RASAL2: variants seen among roughly 807,000 people sequenced by gnomAD.
RASAL2 encodes the protein RAS protein activator like 2, also known as ras GTPase-activating protein nGAP.
A neutral mutation model predicts 128.9 loss-of-function variants in RASAL2; 58 were observed. The ratio of observed to expected loss-of-function variants is 0.45; its 90% CI spans 0.36 to 0.56. RASAL2 has a LOEUF of 0.56. Among genes scored for constraint, RASAL2 ranks in the 20% least tolerant of loss-of-function variants. The probability of loss-of-function intolerance (pLI) is 0.00; values close to 1 mark genes in which losing one functional copy is unlikely to be tolerated. For missense variants in RASAL2, 1,360 were observed against 1,601.6 expected (o/e 0.85, Z 2.57); for synonymous variants, 561 against 580.8 (o/e 0.97, Z 0.49).
intron 1 of RASAL2, among the ~76,000 whole-genome samples, chr1:178,107,370 G>A (rs1659130429): frequency 3.3e-5 from 5 of 152,078 alleles, no homozygotes; most frequent in Admixed American, 3.3e-4. Flanking sequence ...GACCCATGTG[G>A]ATAGTAACAG....
intron 1 of RASAL2, among the ~76,000 whole-genome samples, chr1:178,178,936 A>G (rs866543947): frequency 1.3e-4 from 20 of 152,218 alleles, no homozygotes; most frequent in Non-Finnish European, 1.9e-4. Context: ...CTACTTTCAT[A>G]TAGCCAGATT....
chr1:178,448,809 A>G (rs1176892496), intron 9 of RASAL2, among the ~76,000 whole-genome samples: 1 of 152,208 alleles, frequency 6.6e-6, no homozygotes, highest in Non-Finnish European at 1.5e-5. Flanking sequence ...TCCAAAATGA[A>G]AAGTGGATAC....
intron 4 of RASAL2, among the ~76,000 whole-genome samples, chr1:178,402,288 G>A (rs1415897883): frequency 1.3e-5 from 2 of 151,974 alleles, no homozygotes; most frequent in African/African-American, 4.8e-5. Context: ...GTGGTGGCAG[G>A]CACCTGTAGT....
chr1:178,207,282 A>G (rs1190021108), intron 1 of RASAL2, among the ~76,000 whole-genome samples: 1 of 152,230 alleles, frequency 6.6e-6, no homozygotes, highest in Non-Finnish European at 1.5e-5. Flanking sequence ...GAAAAAATAA[A>G]TACAGTTTGT....
chr1:178,412,067 A>T, intron 4 of RASAL2: 1 of 361,778 alleles, frequency 2.8e-6, no homozygotes, highest in Non-Finnish European at 5.2e-6. Flanking sequence ...ATGTGAAAAA[A>T]AAAAAAAGAG....
At chr1:178,259,291 C>T (rs940539409) in intron 1 of RASAL2, among the ~76,000 whole-genome samples, 4 of 151,458 alleles carry the variant, frequency 2.6e-5, no homozygotes, top group Non-Finnish European at 5.9e-5. Flanking sequence ...CCACCACGCC[C>T]GGCTAATTTT....
At chr1:178,133,165 C>T (rs1660184911) in intron 1 of RASAL2, among the ~76,000 whole-genome samples, 1 of 152,194 alleles carries the variant, frequency 6.6e-6, no homozygotes. Context: ...GAGCTCAATG[C>T]TTTGTCCTCT....
intron 4 of RASAL2, among the ~76,000 whole-genome samples, chr1:178,418,898 A>C (rs184016849): frequency 6.6e-6 from 1 of 152,318 alleles, no homozygotes; most frequent in African/African-American, 2.4e-5. Flanking sequence ...AAACTGTAGA[A>C]GCCCAGATAG....
intron 4 of RASAL2, among the ~76,000 whole-genome samples, chr1:178,396,251 G>T (rs901578217): frequency 7.9e-5 from 12 of 152,122 alleles, no homozygotes; most frequent in African/African-American, 2.9e-4. Context: ...CCCTAACCAG[G>T]AGAAGAGGGC....
chr1:178,387,293 C>G (rs1171169581), intron 3 of RASAL2, among the ~76,000 whole-genome samples: 1 of 152,068 alleles, frequency 6.6e-6, no homozygotes, highest in Non-Finnish European at 1.5e-5. Context: ...TTAATATCTT[C>G]TTTCTGGACC....
intron 1 of RASAL2, among the ~76,000 whole-genome samples, chr1:178,270,706 A>G (rs977121458): frequency 6.6e-6 from 1 of 150,424 alleles, no homozygotes; most frequent in African/African-American, 2.5e-5. Context: ...TCTGCTTCAG[A>G]TTAAGAATGG....
intron 4 of RASAL2, among the ~76,000 whole-genome samples, chr1:178,406,877 C>T (rs1361650516): frequency 6.6e-6 from 1 of 151,672 alleles, no homozygotes; most frequent in African/African-American, 2.4e-5. Flanking sequence ...AATGTGTCAA[C>T]ATCAATTAGA....
At chr1:178,274,271 C>T (rs550410601) in intron 1 of RASAL2, among the ~76,000 whole-genome samples, 1 of 152,276 alleles carries the variant, frequency 6.6e-6, no homozygotes, top group East Asian at 1.9e-4. Flanking sequence ...TCTGAGTTCA[C>T]TCTTTTTCAC....
At chr1:178,378,381 A>C (rs535453604) in intron 3 of RASAL2, among the ~76,000 whole-genome samples, 1 of 152,274 alleles carries the variant, frequency 6.6e-6, no homozygotes, top group Admixed American at 6.5e-5. Context: ...ATGGACAGAA[A>C]TGGATAATTC....
chr1:178,133,041 A>T (rs1660180754), intron 1 of RASAL2, among the ~76,000 whole-genome samples: 1 of 152,226 alleles, frequency 6.6e-6, no homozygotes, highest in African/African-American at 2.4e-5. Context: ...CTGGGATTAC[A>T]GGCGTGAGCC....
intron 3 of RASAL2, among the ~76,000 whole-genome samples, chr1:178,388,108 A>G (rs1453324566): frequency 1.3e-5 from 2 of 152,168 alleles, no homozygotes; most frequent in African/African-American, 4.8e-5. Context: ...TGTAATATTA[A>G]ATCTCCAGTG....
rs544077484 is a variant in RASAL2, at chr1:178,102,324, A to T, written c.202+7630A>T. Among the ~76,000 whole-genome samples the T allele has an allele frequency of 1.3e-4, 20 of 152,018 alleles. No homozygotes were observed. The South Asian group carries it at 1.5e-3, about 11-fold the overall frequency. ...TTAGAGATAACTATCATTTTTTTTT[A>T]AATATTATATTTTAGAGACGGGGTC... On this transcript the variant is annotated intron_variant, in intron 1 of 17. Coordinates refer to ENST00000367649, the MANE Select transcript of RASAL2 (RefSeq NM_170692.4).
intron 1 of RASAL2, among the ~76,000 whole-genome samples, chr1:178,250,180 G>A (rs182713744): frequency 2.5e-4 from 38 of 152,272 alleles, no homozygotes; most frequent in African/African-American, 8.2e-4. Context: ...GCCCACAGCC[G>A]CCCCTTCCCC....
At chr1:178,184,627 A>T (rs1260759761) in intron 1 of RASAL2, among the ~76,000 whole-genome samples, 1 of 152,054 alleles carries the variant, frequency 6.6e-6, no homozygotes, top group Non-Finnish European at 1.5e-5. Flanking sequence ...AAACCAGTTA[A>T]CTATATAAAT....
Sources: allele counts gnomAD v4.1 joint callset (sites outside exome capture counted in the v4.1 genomes callset), GRCh38; gene constraint gnomAD v4.1.1; transcripts MANE v1.5; gene names NCBI Gene and HGNC (gene_info 2026-07-23, HGNC 2026-07-21).